The following KCNN2 variants were observed in gnomAD, a reference collection of about 807,000 sequenced individuals.
KCNN2 encodes the protein small conductance calcium-activated potassium channel protein 2.
A neutral mutation model predicts 55.5 loss-of-function variants in KCNN2; 24 were observed. That is an observed-to-expected ratio of 0.43 (90% CI 0.31 to 0.61). KCNN2 has a LOEUF of 0.61. Ranked by LOEUF, KCNN2 falls within the 20% of genes least tolerant of loss-of-function variation. The probability of loss-of-function intolerance (pLI) is 0.08; values close to 1 mark genes in which losing one functional copy is unlikely to be tolerated. For missense variants in KCNN2, 754 were observed against 853.6 expected (o/e 0.88, Z 1.45); for synonymous variants, 431 against 336.1 (o/e 1.28, Z -3.09).
chr5:114,409,080 G>A (rs1277144242), intron 3 of KCNN2, among the ~76,000 whole-genome samples: 1 of 152,198 alleles, frequency 6.6e-6, no homozygotes, highest in African/African-American at 2.4e-5. Context: ...AGTCTCAGTT[G>A]TGTAATTTAG....
At chr5:114,186,677 T>C (rs1753340978) in intron 1 of KCNN2, among the ~76,000 whole-genome samples, 1 of 152,150 alleles carries the variant, frequency 6.6e-6, no homozygotes, top group Non-Finnish European at 1.5e-5. Flanking sequence ...ATAAGTGAAA[T>C]GGACCATTTA....
intron 2 of KCNN2, among the ~76,000 whole-genome samples, chr5:114,251,647 C>T (rs534143437): frequency 1.3e-5 from 2 of 152,218 alleles, no homozygotes; most frequent in South Asian, 4.1e-4. Flanking sequence ...AGGAACTATG[C>T]ACTAGATGTG....
chr5:114,102,412 T>C (rs780663146), intron 1 of KCNN2, among the ~76,000 whole-genome samples: 5 of 152,194 alleles, frequency 3.3e-5, no homozygotes, highest in Non-Finnish European at 7.3e-5. Flanking sequence ...TGATAGTTTC[T>C]TTTGCTGTGC....
chr5:114,186,216 G>C (rs1448663695), intron 1 of KCNN2, among the ~76,000 whole-genome samples: 1 of 151,922 alleles, frequency 6.6e-6, no homozygotes, highest in Admixed American at 6.6e-5. Flanking sequence ...AACATTTTTT[G>C]GCTCAGAATT....
chr5:114,112,531 A>G (rs1342381322), intron 1 of KCNN2, among the ~76,000 whole-genome samples: 1 of 152,030 alleles, frequency 6.6e-6, no homozygotes, highest in African/African-American at 2.4e-5. Flanking sequence ...TTTTCCAAAA[A>G]CACATTGATC....
At chr5:114,070,837 A>T (rs1396203676) in intron 1 of KCNN2, among the ~76,000 whole-genome samples, 1 of 152,212 alleles carries the variant, frequency 6.6e-6, no homozygotes, top group Admixed American at 6.5e-5. Flanking sequence ...CAGTGTATTT[A>T]TATGTAGAAT....
chr5:114,435,620 T>C (rs1485676135), intron 3 of KCNN2, among the ~76,000 whole-genome samples: 1 of 147,596 alleles, frequency 6.8e-6, no homozygotes, highest in Non-Finnish European at 1.5e-5. Context: ...ATTTTTACTC[T>C]AAAAAAAAAA....
intron 1 of KCNN2, among the ~76,000 whole-genome samples, chr5:114,202,583 ATAT>A (rs1365151458): frequency 5.4e-5 from 3 of 55,404 alleles, no homozygotes; most frequent in African/African-American, 1.6e-4. Flanking sequence ...ATATATATAT[ATAT>A]TTTTTTTTTT....
intron 1 of KCNN2, among the ~76,000 whole-genome samples, chr5:114,058,024 G>T (rs1750247396): frequency 6.6e-6 from 1 of 152,158 alleles, no homozygotes; most frequent in East Asian, 1.9e-4. Flanking sequence ...TTGAACATGT[G>T]TGAACCAACA....
chr5:114,097,784 A>G (rs1751289712), intron 1 of KCNN2, among the ~76,000 whole-genome samples: 1 of 152,138 alleles, frequency 6.6e-6, no homozygotes, highest in Admixed American at 6.6e-5. Flanking sequence ...TTATCAAGTG[A>G]GCTGCCATTG....
chr5:114,384,616 A>G (rs1310356501), intron 2 of KCNN2, among the ~76,000 whole-genome samples: 1 of 152,236 alleles, frequency 6.6e-6, no homozygotes, highest in Non-Finnish European at 1.5e-5. Flanking sequence ...ATTAAGTGGC[A>G]TGGTGCTCCA....
chr5:114,310,020 C>T lies in KCNN2; in HGVS notation c.-184-50925C>T, dbSNP rs1010256438. Among the ~76,000 whole-genome samples the T allele has an allele frequency of 1.1e-4, 16 of 152,180 alleles. 1 individual carries two copies. Among genetic ancestry groups the T allele is most frequent in the African/African-American group, 3.9e-4 (16 of 41,462 alleles). ...CCTTACTCCTCTCAAGTTGCAGGAC[C>T]TAACCCTTCTTAAAACTTTTTGTGC... On this transcript the variant is annotated intron_variant, in intron 2 of 10. Transcript: ENST00000512097.
chr5:114,422,471 G>A (rs1561375220), intron 3 of KCNN2, among the ~76,000 whole-genome samples: 1 of 152,094 alleles, frequency 6.6e-6, no homozygotes, highest in Non-Finnish European at 1.5e-5. Flanking sequence ...GGACTTCTCA[G>A]CCTTGAGAAC....
chr5:114,103,848 C>T (rs771268425), intron 1 of KCNN2, among the ~76,000 whole-genome samples: 59 of 152,094 alleles, frequency 3.9e-4, no homozygotes, highest in African/African-American at 1.4e-3. Flanking sequence ...TGAGGATTTT[C>T]GCATCTATGT....
rs147200120 is a variant in KCNN2, at chr5:114,212,156, A to G, written c.-270-9324A>G. Reference sequence around the variant, plus strand: ...TTTTGTCAGCTCTTATTTTCATTCAAATATTAATCTTGTTTTCTTTATTCT... The same window carrying G: ...TTTTGTCAGCTCTTATTTTCATTCAGATATTAATCTTGTTTTCTTTATTCT... On this transcript the variant is annotated intron_variant, in intron 1 of 10. Transcript: ENST00000512097. Among the ~76,000 whole-genome samples, 43 of 152,128 alleles carry G rather than the reference A, an allele frequency of 2.8e-4. 1 individual carries two copies. In the East Asian group the frequency reaches 8.1e-3, roughly 29 times the overall value.
intron 1 of KCNN2, among the ~76,000 whole-genome samples, chr5:114,119,356 G>T (rs1262218639): frequency 6.6e-6 from 1 of 152,110 alleles, no homozygotes; most frequent in African/African-American, 2.4e-5. Context: ...TATTGGGAAT[G>T]GTCTCATTTA....
intron 2 of KCNN2, among the ~76,000 whole-genome samples, chr5:114,279,947 C>T (rs1161444174): frequency 6.6e-6 from 1 of 152,184 alleles, no homozygotes; most frequent in Non-Finnish European, 1.5e-5. Context: ...TTCTCCACAT[C>T]CTCTCCAGCA....
intron 2 of KCNN2, among the ~76,000 whole-genome samples, chr5:114,301,898 T>G (rs902201581): frequency 1.3e-5 from 2 of 152,332 alleles, no homozygotes; most frequent in Admixed American, 1.3e-4. Flanking sequence ...AACACTTTAC[T>G]TATGTTATCT....
At chr5:114,340,626 A>C (rs1250057494) in intron 2 of KCNN2, among the ~76,000 whole-genome samples, 1 of 151,716 alleles carries the variant, frequency 6.6e-6, no homozygotes, top group East Asian at 2.0e-4. Context: ...AAAGCTAATT[A>C]ACATATCCAT....
Sources: allele counts gnomAD v4.1 joint callset (sites outside exome capture counted in the v4.1 genomes callset), GRCh38; gene constraint gnomAD v4.1.1; transcripts MANE v1.5; gene names NCBI Gene and HGNC (gene_info 2026-07-23, HGNC 2026-07-21).